The following PLA2G4B variants were observed in gnomAD, a reference collection of about 807,000 sequenced individuals.
PLA2G4B encodes the protein phospholipase A2 group IVB.
PLA2G4B carries 122 observed loss-of-function variants against 95.8 expected under a neutral mutation model. The observed-to-expected ratio is 1.27, with a 90% CI of 1.10 to 1.48. PLA2G4B has a LOEUF of 1.48. PLA2G4B is among the 40% of genes most tolerant of loss of function. The pLI, the probability that PLA2G4B is intolerant of heterozygous loss-of-function variation, is 0.00. For synonymous variants in PLA2G4B, 518 were observed against 421.5 expected (o/e 1.23, Z -2.80); for missense variants, 1,158 against 996.2 (o/e 1.16, Z -2.19).
At position 41,838,952 on chromosome 15, in the gene PLA2G4B, C is replaced by A. The variant is rs371543663; in HGVS notation, c.9+30C>A. 22 of 1,548,846 alleles carry A rather than the reference C, an allele frequency of 1.4e-5. No individual in the cohort carries two copies. The African/African-American group carries it at 1.8e-4, about 12-fold the overall frequency. On this transcript the variant is annotated intron_variant, in intron 1 of 19. Transcript: ENST00000458483. ...GGCCTGGCAGGGCCCTGGGTCCCTA[C>A]TGGGACCCCTGGTCTCTACCTGGGG...
chr15:41,844,923 C>T lies in PLA2G4B; in HGVS notation c.1092C>T (p.Thr364=), dbSNP rs2065506531. 3.1e-6 allele frequency: 5 copies of T among 1,612,392 alleles called. No homozygotes were observed. The highest frequency in any genetic ancestry group is 4.2e-6 in the Non-Finnish European group (5 of 1,179,468). The part of the protein sequence containing the change: ...DLAGPTELLK[T]QVTKNKLGVL... ...CAGGGCCCACTGAGTTGCTGAAGAC[C>T]CAGGTGACCAAGAACAAGCTGGGTG... Residue 364 remains threonine, a synonymous_variant, in exon 13 of 20, where the codon ACC becomes ACT. Transcript: ENST00000458483.
At chr15:41,847,224 A>G (rs2065576480) in intron 18 of PLA2G4B, 113 bp from the exon 19 acceptor site, 4 of 1,463,124 alleles carry the variant, frequency 2.7e-6, no homozygotes, top group East Asian at 2.3e-5. Flanking sequence ...CATAGGCCCC[A>G]CTGGAGACCG....
At position 41,848,110 on chromosome 15, in the gene PLA2G4B, TTGGAGCACTTGA is replaced by T. The variant is rs2140902322; in HGVS notation, c.*252_*263del. 1 of 587,026 alleles carries T rather than the reference TTGGAGCACTTGA, an allele frequency of 1.7e-6. No individual in the cohort carries two copies. The highest frequency in any genetic ancestry group is 2.9e-5 in the East Asian group (1 of 34,872). The allele number at this position is 587,026 out of a possible 1,614,324, so 36.4% of individuals were successfully genotyped here. Reference sequence around the variant, plus strand: ...TTCCCTTCTGCGCTACCTTGAGTAGTTGGAGCACTTGATACATCACAGACTCATACAAATGTG... The same window carrying T: ...TTCCCTTCTGCGCTACCTTGAGTAGTTACATCACAGACTCATACAAATGTG... On this transcript the variant is annotated 3_prime_UTR_variant, in exon 20 of 20. Transcript: ENST00000458483.
At chr15:41,840,682 ACT>A (rs1161310015) in intron 3 of PLA2G4B, 22 bp downstream of exon 3, 1 of 1,608,314 alleles carries the variant, frequency 6.2e-7, no homozygotes, top group African/African-American at 1.3e-5. Flanking sequence ...ATCAGCGCTG[ACT>A]CTACCCACAT....
chr15:41,844,694 G>A (rs1952575593), intron 12 of PLA2G4B, 87 bp downstream of exon 12: 1 of 1,600,012 alleles, frequency 6.2e-7, no homozygotes, highest in Non-Finnish European at 8.5e-7. Flanking sequence ...AAAACTAGAA[G>A]GGCTGGGAGA....
Position 41,847,832 on chromosome 15 carries a change from A to G in PLA2G4B, c.2318A>G (p.Gln773Arg). The change falls in exon 20 of 20, where the codon CAG (glutamine) becomes CGG (arginine). Residue 773 changes from glutamine to arginine, a missense_variant. Physicochemically the swap from Gln to Arg is conservative, Grantham distance 43 (BLOSUM62 1). Transcript: ENST00000458483. ...QLLEALRQAVQRRRQRRPH is the reference protein window; with the variant it reads ...QLLEALRQAVRRRRQRRPH ...CTGGAGGCTCTGCGCCAGGCAGTGC[A>G]GCGGAGGCGGCAGCGCAGGCCCCAC... is the stretch of plus-strand genomic sequence containing the variant. The G allele has an allele frequency of 6.2e-6, 10 of 1,613,038 alleles. No individual in the cohort carries two copies. Among genetic ancestry groups the G allele is most frequent in the Non-Finnish European group, 7.6e-6 (9 of 1,180,000 alleles).
chr15:41,845,451 C>A, intron 14 of PLA2G4B, 131 bp downstream of exon 14: 1 of 1,444,428 alleles, frequency 6.9e-7, no homozygotes, highest in Non-Finnish European at 9.3e-7. Context: ...TGGAGACCGG[C>A]ACCCTACCAG....
At chr15:41,847,140 G>A (rs1423204495) in intron 18 of PLA2G4B, among the ~76,000 whole-genome samples, 197 bp from the exon 19 acceptor site, 4 of 152,132 alleles carry the variant, frequency 2.6e-5, no homozygotes, top group East Asian at 1.9e-4. Context: ...GGAGTAACCC[G>A]GCTCCGTCTA....
At chr15:41,842,975 A>G in intron 10 of PLA2G4B, 1 of 229,902 alleles carries the variant, frequency 4.3e-6, no homozygotes, top group Non-Finnish European at 8.4e-6. Context: ...TGGACCTTAA[A>G]TGATCTTCGT....
chr15:41,846,242 C>T lies in PLA2G4B; in HGVS notation c.1640C>T (p.Pro547Leu), dbSNP rs758819963. 3.1e-6 allele frequency: 5 copies of T among 1,614,048 alleles called. No homozygotes were observed. Among genetic ancestry groups the T allele is most frequent in the South Asian group, 1.1e-5 (1 of 91,080 alleles). Residue 547 changes from proline (P) to leucine (L), a missense_variant, in exon 17 of 20, where the codon CCC becomes CTC. Physicochemically the swap from Pro to Leu is moderately conservative, Grantham distance 98. Transcript: ENST00000458483. Reference protein sequence around the residue: ...QVPLLKIEEPPSTAGRIAEFF... With the variant: ...QVPLLKIEEPLSTAGRIAEFF... ...CCCCTTCTGAAGATAGAAGAACCAC[C>T]CTCAACAGCCGGCAGGATAGCTGAG... is the stretch of plus-strand genomic sequence containing the variant.
chr15:41,842,471 G>C, intron 9 of PLA2G4B, 83 bp from the exon 10 acceptor site: 1 of 1,567,188 alleles, frequency 6.4e-7, no homozygotes, highest in Non-Finnish European at 8.6e-7. Flanking sequence ...GGGCGGGGGT[G>C]GTGCGCCGGG....
At position 41,844,965 on chromosome 15, in the gene PLA2G4B, G is replaced by C. The variant is rs747787158; in HGVS notation, c.1134G>C (p.Gln378His). The change falls in exon 13 of 20, where the codon CAG (glutamine) becomes CAC (histidine). Residue 378 changes from glutamine (Q) to histidine (H), a missense_variant. Gln to His is a conservative substitution (Grantham distance 24). Coordinates refer to ENST00000458483, the MANE Select transcript of PLA2G4B (RefSeq NM_001114633.2). ...AGCTGGGTGTGCTGGCCCCCAGCCAGCTGCAGCGGTACCGGCAGGAGCTGG... is the reference window on the plus strand; with the variant it reads ...AGCTGGGTGTGCTGGCCCCCAGCCACCTGCAGCGGTACCGGCAGGAGCTGG... The part of the protein sequence containing the change: ...KNKLGVLAPS[Q>H]LQRYRQELAE... 1.9e-6 allele frequency: 3 copies of C among 1,611,626 alleles called. No individual in the cohort carries two copies. The highest frequency in any genetic ancestry group is 2.5e-6 in the Non-Finnish European group (3 of 1,179,108).
intron 1 of PLA2G4B, 24 bp from the exon 2 acceptor site, chr15:41,840,134 G>A: frequency 1.2e-6 from 2 of 1,611,618 alleles, no homozygotes; most frequent in Non-Finnish European, 1.7e-6. Context: ...CCCGTAGCAG[G>A]TCTCCCCTCT....
intron 12 of PLA2G4B, 66 bp downstream of exon 12, chr15:41,844,673 A>C (rs1318202840): frequency 5.0e-6 from 8 of 1,609,228 alleles, no homozygotes; most frequent in Middle Eastern, 2.0e-4. Flanking sequence ...GGGTTCTCCT[A>C]GGCCTCTGAG....
chr15:41,839,155 A>C (rs1595416911), intron 1 of PLA2G4B: 2 of 406,806 alleles, frequency 4.9e-6, no homozygotes, highest in Non-Finnish European at 9.0e-6. Flanking sequence ...GCTCCCTGGC[A>C]CCACAGATTT....
In PLA2G4B at chr15:41,840,200, C is replaced by T. The variant is rs1486039139; in HGVS notation, c.52C>T (p.Gln18Ter). 4.3e-6 allele frequency: 7 copies of T among 1,613,192 alleles called. No homozygotes were observed. The Admixed American group carries it at 1.2e-4, about 27-fold the overall frequency. Residue 18 changes from glutamine to a stop codon, truncating the protein, a stop_gained, in exon 2 of 20, where the codon CAG (glutamine) becomes TAG (stop). Coordinates refer to ENST00000458483, the MANE Select transcript of PLA2G4B (RefSeq NM_001114633.2). LOFTEE classifies it high-confidence loss of function. The stretch of plus-strand genomic sequence containing the variant: ...CTGCCTGCTCACGGTTCGTGTCCTG[C>T]AGGCCCATCGCCTACCCTCTAAGGA... ...RTCLLTVRVL[Q>*]AHRLPSKDLV...
rs747689197 is a variant in PLA2G4B at position 41,840,813 on chromosome 15, AC to A, written c.261del (p.Gly88GlufsTer27). On this transcript the variant is annotated frameshift_variant, in exon 4 of 20. Coordinates refer to ENST00000458483, the MANE Select transcript of PLA2G4B (RefSeq NM_001114633.2). LOFTEE classifies it high-confidence loss of function. ...GAAAGTCTTTGACCAGGACCTGGTG[AC>A]CGGAGATGACCCTGTGTTGTCAGTA... ...ELKVFDQDLVTGDDPVLSVLF... is the reference protein window; with the variant it reads ...ELKVFDQDLVXGDDPVLSVLF... 12 of 1,613,898 alleles carry A rather than the reference AC, an allele frequency of 7.4e-6. No individual in the cohort carries two copies. Among genetic ancestry groups the A allele is most frequent in the Non-Finnish European group, 5.1e-6 (6 of 1,179,978 alleles).
In PLA2G4B at chr15:41,843,787, G is replaced by A; in HGVS notation, c.855G>A (p.Leu285=). 6.2e-7 allele frequency: 1 copy of A among 1,613,886 alleles called. No homozygotes were observed. The highest frequency in any genetic ancestry group is 8.5e-7 in the Non-Finnish European group (1 of 1,179,834). The change falls in exon 11 of 20, where the codon CTG becomes CTA. Residue 285 remains leucine (L), a synonymous_variant. Coordinates refer to ENST00000458483, the MANE Select transcript of PLA2G4B (RefSeq NM_001114633.2). The part of the protein sequence containing the change: ...VAAALRQALQ[L]DGDLQEDEIP... ...CGGCCTTGAGGCAGGCCCTGCAGCTGGACGGAGACCTGCAGGAGGATGAGG... is the reference window on the plus strand; with the variant it reads ...CGGCCTTGAGGCAGGCCCTGCAGCTAGACGGAGACCTGCAGGAGGATGAGG...
intron 18 of PLA2G4B, 78 bp from the exon 19 acceptor site, chr15:41,847,259 T>G: frequency 6.6e-7 from 1 of 1,509,832 alleles, no homozygotes; most frequent in Non-Finnish European, 8.8e-7. Flanking sequence ...CCCCAGGTCC[T>G]GTGCATCTTA....
Sources: gnomAD v4.1 joint callset for allele counts (sites outside exome capture counted in the v4.1 genomes callset) on GRCh38, gnomAD v4.1.1 for gene constraint, MANE v1.5 for transcripts, NCBI Gene and HGNC (gene_info 2026-07-23, HGNC 2026-07-21) for gene names.